The following GPD2 variants were observed in gnomAD, a reference collection of about 807,000 sequenced individuals.
GPD2 encodes glycerol-3-phosphate dehydrogenase 2, also known as glycerol-3-phosphate dehydrogenase, mitochondrial.
A neutral mutation model predicts 82.4 loss-of-function variants in GPD2; 54 were observed. The observed-to-expected ratio is 0.66, with a 90% CI of 0.53 to 0.82. GPD2 has a LOEUF of 0.82. Among genes scored for constraint, GPD2 ranks in the 40% least tolerant of loss-of-function variants. The pLI, the probability that GPD2 is intolerant of heterozygous loss-of-function variation, is 0.00. For missense variants in GPD2, 748 were observed against 896.2 expected (o/e 0.83, Z 2.11); for synonymous variants, 288 against 306.1 (o/e 0.94, Z 0.62).
At chr2:156,492,624 G>A (rs892446887) in intron 2 of GPD2, among the ~76,000 whole-genome samples, 7 of 152,078 alleles carry the variant, frequency 4.6e-5, no homozygotes, top group Non-Finnish European at 8.8e-5. Context: ...GATATGGAAG[G>A]AGGCTGGGTA....
the GPD2 span, among the ~76,000 whole-genome samples, chr2:156,400,775 G>T: frequency 1.3e-5 from 2 of 152,234 alleles, no homozygotes; most frequent in Non-Finnish European, 2.9e-5. Context: ...GCTGGGGGAT[G>T]TAGCTCAGTG....
intron 2 of GPD2, among the ~76,000 whole-genome samples, chr2:156,492,464 T>G (rs1684218105): frequency 6.6e-6 from 1 of 151,676 alleles, no homozygotes; most frequent in South Asian, 2.1e-4. Context: ...TTTTTTCTTT[T>G]TTTTAAATTT....
intron 1 of GPD2, among the ~76,000 whole-genome samples, chr2:156,470,795 T>C (rs1267055561): frequency 6.6e-6 from 1 of 152,218 alleles, no homozygotes; most frequent in Non-Finnish European, 1.5e-5. Flanking sequence ...TAAGAATTCA[T>C]CTGAGCCAGA....
At chr2:156,445,632 C>T (rs967829053) in intron 1 of GPD2, among the ~76,000 whole-genome samples, 1 of 152,198 alleles carries the variant, frequency 6.6e-6, no homozygotes, top group African/African-American at 2.4e-5. Flanking sequence ...TTCTTTTCTA[C>T]TCCTATACTT....
chr2:156,410,529 T>TA, the GPD2 span, among the ~76,000 whole-genome samples: 1 of 152,210 alleles, frequency 6.6e-6, no homozygotes, highest in Non-Finnish European at 1.5e-5. Context: ...TTGCTCTATT[T>TA]AAAAAAGATT....
chr2:156,499,395 T>C (rs1030728419), intron 3 of GPD2, among the ~76,000 whole-genome samples: 3 of 152,078 alleles, frequency 2.0e-5, no homozygotes, highest in African/African-American at 7.2e-5. Flanking sequence ...CAAGATTCTA[T>C]GAAAACAGAG....
the GPD2 span, among the ~76,000 whole-genome samples, chr2:156,426,996 G>T: frequency 6.6e-6 from 1 of 152,212 alleles, no homozygotes; most frequent in Non-Finnish European, 1.5e-5. Flanking sequence ...AAGCAGAGTT[G>T]GGCAGAGGGA....
the GPD2 span, among the ~76,000 whole-genome samples, chr2:156,421,558 G>C: frequency 1.3e-5 from 2 of 152,150 alleles, no homozygotes; most frequent in African/African-American, 4.8e-5. Context: ...GTCTGCTAAA[G>C]AGTTGAATGA....
chr2:156,425,980 T>A, the GPD2 span, among the ~76,000 whole-genome samples: 5 of 150,694 alleles, frequency 3.3e-5, no homozygotes, highest in Admixed American at 6.7e-5. Context: ...TGGAGTGCAG[T>A]GGCGCCATCT....
intron 3 of GPD2, among the ~76,000 whole-genome samples, chr2:156,502,845 A>G (rs1250182708): frequency 8.3e-6 from 1 of 120,112 alleles, no homozygotes; most frequent in African/African-American, 3.1e-5. Context: ...TTTAATCAGT[A>G]AATGGAATCC....
Position 156,568,973 on chromosome 2 carries a change from C to A in GPD2, c.1300+14C>A. 2 of 1,569,950 alleles carry A rather than the reference C, an allele frequency of 1.3e-6. No homozygotes were observed. The highest frequency in any genetic ancestry group is 1.7e-6 in the Non-Finnish European group (2 of 1,147,660). ...TTACTATAGCAGGTATGAGATACTA[C>A]CTTGTTATTTTCTTTTCTTTTTTTT... On this transcript the variant is annotated intron_variant, in intron 10 of 16. Transcript: ENST00000438166.
intron 1 of GPD2, among the ~76,000 whole-genome samples, chr2:156,471,318 C>G (rs1271651830): frequency 6.6e-6 from 1 of 152,226 alleles, no homozygotes. Context: ...TAATTGGTCT[C>G]TCTGTCTTCG....
intron 13 of GPD2, among the ~76,000 whole-genome samples, chr2:156,576,455 T>C (rs1458619800): frequency 2.2e-5 from 2 of 89,320 alleles, no homozygotes; most frequent in Non-Finnish European, 4.6e-5. Flanking sequence ...TAAATACTTA[T>C]TAAGCTGTGA....
intron 1 of GPD2, among the ~76,000 whole-genome samples, chr2:156,468,385 C>T (rs145452213): frequency 3.4e-4 from 52 of 152,274 alleles, no homozygotes; most frequent in Middle Eastern, 3.4e-3. Flanking sequence ...GATTTGTATG[C>T]GAGTGTGAGG....
At chr2:156,407,036 C>T in the GPD2 span, among the ~76,000 whole-genome samples, 19 of 152,154 alleles carry the variant, frequency 1.2e-4, no homozygotes, top group South Asian at 3.7e-3. Flanking sequence ...CATGGTGAAA[C>T]CCCGTCTCTA....
chr2:156,420,729 A>G, the GPD2 span, among the ~76,000 whole-genome samples: 1 of 152,218 alleles, frequency 6.6e-6, no homozygotes, highest in Non-Finnish European at 1.5e-5. Flanking sequence ...ATAGAAATTG[A>G]TATATAAGAA....
chr2:156,575,402 CTTTTTT>C (rs35297244), intron 13 of GPD2, among the ~76,000 whole-genome samples: 2 of 91,202 alleles, frequency 2.2e-5, no homozygotes, highest in Non-Finnish European at 4.6e-5. Flanking sequence ...CTTTTCTTTT[CTTTTTT>C]TTTTTTTTTT....
At position 156,476,116 on chromosome 2, in the gene GPD2, A is replaced by G; in HGVS notation, c.11A>G (p.Gln4Arg). Residue 4 changes from glutamine to arginine, a missense_variant, in exon 2 of 17, where the codon CAA (glutamine) becomes CGA (arginine). Gln to Arg is a conservative substitution (Grantham distance 43). Coordinates refer to ENST00000438166, the MANE Select transcript of GPD2 (RefSeq NM_000408.5). MAF[Q>R]KAVKGTILVG... ...TTTGTAGGCTAAGAAATGGCATTTC[A>G]AAAGGCAGTGAAAGGGACGATTCTT... is the stretch of plus-strand genomic sequence containing the variant. The G allele has an allele frequency of 2.5e-6, 4 of 1,597,104 alleles. No individual in the cohort carries two copies. The South Asian group carries it at 4.4e-5, about 18-fold the overall frequency.
rs566118331 is a variant in GPD2, at chr2:156,526,335, T to A, written c.661+12839T>A. Among the ~76,000 whole-genome samples the A allele has an allele frequency of 2.6e-5, 4 of 152,244 alleles. No homozygotes were observed. The South Asian group carries it at 8.3e-4, about 32-fold the overall frequency. On this transcript the variant is annotated intron_variant, in intron 6 of 16. Transcript: ENST00000438166. Reference sequence around the variant, plus strand: ...ATCTGTGTAGAGAGCTTAAAATTAATCAGAGAGTCTCAAATGCTGTTATTA... The same window carrying A: ...ATCTGTGTAGAGAGCTTAAAATTAAACAGAGAGTCTCAAATGCTGTTATTA...
Sources: gnomAD v4.1 joint callset for allele counts (sites outside exome capture counted in the v4.1 genomes callset) on GRCh38, gnomAD v4.1.1 for gene constraint, MANE v1.5 for transcripts, NCBI Gene and HGNC (gene_info 2026-07-23, HGNC 2026-07-21) for gene names.